Variants in PDSS2 observed in about 807,000 individuals in gnomAD.
PDSS2 encodes the protein decaprenyl diphosphate synthase subunit 2, also known as all trans-polyprenyl-diphosphate synthase PDSS2.
A neutral mutation model predicts 44.5 loss-of-function variants in PDSS2; 31 were observed. The ratio of observed to expected loss-of-function variants is 0.70; its 90% CI spans 0.52 to 0.94. The LOEUF is 0.94. Among genes scored for constraint, PDSS2 ranks in the 40% least tolerant of loss-of-function variants. PDSS2 has a pLI of 0.00. For missense variants in PDSS2, 452 were observed against 482.2 expected (o/e 0.94, Z 0.59); for synonymous variants, 157 against 180.3 (o/e 0.87, Z 1.03).
At chr6:107,193,193 G>T (rs146172814) in intron 7 of PDSS2, among the ~76,000 whole-genome samples, 213 of 152,326 alleles carry the variant, frequency 1.4e-3, no homozygotes, top group African/African-American at 4.8e-3. Context: ...CCAGGGCTGT[G>T]TGTCAGAATT....
intron 3 of PDSS2, among the ~76,000 whole-genome samples, chr6:107,253,409 T>C (rs1386643386): frequency 6.6e-6 from 1 of 152,256 alleles, no homozygotes; most frequent in Non-Finnish European, 1.5e-5. Context: ...ATTTACTTTT[T>C]TTGCAGTGTT....
chr6:107,364,678 A>G (rs1335899776), intron 1 of PDSS2, among the ~76,000 whole-genome samples: 2 of 152,188 alleles, frequency 1.3e-5, no homozygotes, highest in African/African-American at 4.8e-5. Context: ...TGGCCAGCCC[A>G]GAAAGGGGCT....
At chr6:107,232,175 C>G (rs2114739586) in intron 4 of PDSS2, among the ~76,000 whole-genome samples, 1 of 152,214 alleles carries the variant, frequency 6.6e-6, no homozygotes, top group African/African-American at 2.4e-5. Flanking sequence ...TGATAGATTC[C>G]TTTCCTTAGT....
Position 107,184,296 on chromosome 6 carries a change from G to A in PDSS2, c.1041+9526C>T, listed in dbSNP as rs994478410. 3.3e-5 allele frequency among the ~76,000 whole-genome samples: 5 copies of A among 152,066 alleles called. No individual in the cohort carries two copies. In the South Asian group the frequency reaches 1.0e-3, roughly 32 times the overall value. On this transcript the variant is annotated intron_variant, in intron 7 of 7. Coordinates refer to ENST00000369037, the MANE Select transcript of PDSS2 (RefSeq NM_020381.4). ...GACTACCAAAAATAAATAAATAAAC[G>A]AATAAAGGAGTCTGGCTTTGTCAGT...
At chr6:107,402,305 C>T (rs1562515816) in intron 1 of PDSS2, among the ~76,000 whole-genome samples, 2 of 146,014 alleles carry the variant, frequency 1.4e-5, no homozygotes, top group Non-Finnish European at 3.0e-5. Context: ...AACAAACAAA[C>T]AAAAAAAACA....
At chr6:107,292,096 G>A (rs1776367921) in intron 2 of PDSS2, among the ~76,000 whole-genome samples, 1 of 152,018 alleles carries the variant, frequency 6.6e-6, no homozygotes, top group East Asian at 1.9e-4. Flanking sequence ...AGTCTCTGCA[G>A]CTGGTCTCAG....
intron 1 of PDSS2, among the ~76,000 whole-genome samples, chr6:107,455,771 A>C (rs1782020811): frequency 6.6e-6 from 1 of 151,176 alleles, no homozygotes; most frequent in African/African-American, 2.4e-5. Flanking sequence ...AAAAAAAAAA[A>C]AAAAAAAAAA....
intron 1 of PDSS2, among the ~76,000 whole-genome samples, chr6:107,368,220 G>T (rs993709694): frequency 3.4e-5 from 5 of 146,476 alleles, no homozygotes; most frequent in African/African-American, 1.0e-4. Flanking sequence ...AGTGAGACAA[G>T]ATCAGGACAC....
At chr6:107,377,928 C>G (rs1779337940) in intron 1 of PDSS2, among the ~76,000 whole-genome samples, 1 of 151,626 alleles carries the variant, frequency 6.6e-6, no homozygotes, top group South Asian at 2.1e-4. Flanking sequence ...GGAGATATAC[C>G]TAATGCTAAA....
At chr6:107,430,072 C>A (rs1781145710) in intron 1 of PDSS2, among the ~76,000 whole-genome samples, 2 of 151,442 alleles carry the variant, frequency 1.3e-5, no homozygotes, top group African/African-American at 4.8e-5. Context: ...ATATATTATT[C>A]TCACCCACCT....
intron 4 of PDSS2, among the ~76,000 whole-genome samples, chr6:107,239,791 G>A (rs556133327): frequency 7.3e-5 from 11 of 151,596 alleles, no homozygotes; most frequent in South Asian, 4.2e-4. Flanking sequence ...ACAGGTGTGC[G>A]CCACTATGCC....
chr6:107,184,865 G>A (rs571516884), intron 7 of PDSS2, among the ~76,000 whole-genome samples: 13 of 151,364 alleles, frequency 8.6e-5, no homozygotes, highest in Non-Finnish European at 1.5e-4. Context: ...TTAAGCATGA[G>A]CAATTATTTC....
intron 7 of PDSS2, among the ~76,000 whole-genome samples, chr6:107,185,827 G>T (rs1301657730): frequency 1.3e-5 from 2 of 152,176 alleles, no homozygotes; most frequent in Non-Finnish European, 2.9e-5. Flanking sequence ...GCCTAACCTT[G>T]AGGCCAGAAG....
At chr6:107,239,231 T>C (rs201245227) in intron 4 of PDSS2, among the ~76,000 whole-genome samples, 2 of 152,110 alleles carry the variant, frequency 1.3e-5, no homozygotes, top group African/African-American at 4.8e-5. Flanking sequence ...GAGCTGAGAT[T>C]GTGCCACTGC....
intron 1 of PDSS2, among the ~76,000 whole-genome samples, chr6:107,425,239 A>G (rs1780958400): frequency 6.6e-6 from 1 of 152,196 alleles, no homozygotes; most frequent in Non-Finnish European, 1.5e-5. Flanking sequence ...AGTAGAGTGG[A>G]GCATTGCTGA....
At chr6:107,238,930 A>G (rs1290738102) in intron 4 of PDSS2, among the ~76,000 whole-genome samples, 1 of 152,122 alleles carries the variant, frequency 6.6e-6, no homozygotes, top group Non-Finnish European at 1.5e-5. Flanking sequence ...TATGAAATTG[A>G]GCAAAGTTAT....
intron 2 of PDSS2, among the ~76,000 whole-genome samples, chr6:107,287,754 T>A (rs1309131249): frequency 6.6e-6 from 1 of 152,170 alleles, no homozygotes; most frequent in Non-Finnish European, 1.5e-5. Flanking sequence ...ACTCCTGACC[T>A]CAGGTGATCC....
At chr6:107,254,386 G>A (rs1774934977) in intron 3 of PDSS2, among the ~76,000 whole-genome samples, 1 of 152,040 alleles carries the variant, frequency 6.6e-6, no homozygotes, top group African/African-American at 2.4e-5. Context: ...AGAAAAAGGA[G>A]ACGTTTTCCA....
intron 1 of PDSS2, among the ~76,000 whole-genome samples, chr6:107,357,723 T>C (rs1778636269): frequency 6.6e-6 from 1 of 152,152 alleles, no homozygotes; most frequent in Non-Finnish European, 1.5e-5. Flanking sequence ...GTGGCAACCG[T>C]TATTCTCTGG....
Sources: gnomAD v4.1 joint callset for allele counts (sites outside exome capture counted in the v4.1 genomes callset) on GRCh38, gnomAD v4.1.1 for gene constraint, MANE v1.5 for transcripts, NCBI Gene and HGNC (gene_info 2026-07-23, HGNC 2026-07-21) for gene names.